The following DYNC2H1 variants were observed in gnomAD, a reference collection of about 807,000 sequenced individuals.
The protein encoded by DYNC2H1 is cytoplasmic dynein 2 heavy chain 1.
In DYNC2H1, 410 loss-of-function variants were observed where a neutral mutation model predicts 570.0. That is an observed-to-expected ratio of 0.72 (90% CI 0.66 to 0.78). The LOEUF (loss-of-function observed/expected upper bound fraction) is 0.78. Among genes scored for constraint, DYNC2H1 ranks in the 30% least tolerant of loss-of-function variants. The pLI, the probability that DYNC2H1 is intolerant of heterozygous loss-of-function variation, is 0.00. For synonymous variants in DYNC2H1, 1,688 were observed against 1,677.6 expected (o/e 1.01, Z -0.15); for missense variants, 4,865 against 5,046.4 (o/e 0.96, Z 1.09).
In DYNC2H1 at chr11:103,413,561, C is replaced by G. The variant is rs898677537; in HGVS notation, c.12366+13689C>G. Among the ~76,000 whole-genome samples the G allele has an allele frequency of 2.6e-5, 4 of 152,164 alleles. No individual in the cohort carries two copies. The East Asian group carries it at 5.8e-4, about 22-fold the overall frequency. ...ATTCCTAGATCAGAGTTCTTTCCAC[C>G]TTACTGCTCATTAAATATTTTGCTA... On this transcript the variant is annotated intron_variant, in intron 84 of 88. Transcript: ENST00000375735.
Position 103,135,511 on chromosome 11 carries a change from A to G in DYNC2H1, c.2222A>G (p.Asp741Gly). Residue 741 changes from aspartate to glycine, a missense_variant, in exon 16 of 89, where the codon GAC (aspartate) becomes GGC (glycine). This residue lies in a region of DYNC2H1 where 1,936 missense variants were observed against 1,962.1 expected (regional missense o/e 0.99). Coordinates refer to ENST00000375735, the MANE Select transcript of DYNC2H1 (RefSeq NM_001377.3). ...ACATATTAGGGATTCCAAGCAAGTG[A>G]CATGCATGCATGGAAACAACACTGG... ...TVEAQGFQAS[D>G]MHAWKQHWNH... 1.9e-6 allele frequency: 3 copies of G among 1,567,102 alleles called. No individual in the cohort carries two copies. Among genetic ancestry groups the G allele is most frequent in the Middle Eastern group, 1.7e-4 (1 of 5,868 alleles).
At chr11:103,190,902 A>G (rs1862276538) in intron 45 of DYNC2H1, among the ~76,000 whole-genome samples, 1 of 149,302 alleles carries the variant, frequency 6.7e-6, no homozygotes, top group Non-Finnish European at 1.5e-5. Context: ...TGCAACCATC[A>G]TATTTAAAGG....
intron 2 of DYNC2H1, 83 bp downstream of exon 2, chr11:103,113,790 G>A: frequency 1.9e-6 from 2 of 1,046,920 alleles, no homozygotes; most frequent in Non-Finnish European, 2.6e-6. Context: ...ATTTTTTACT[G>A]TTAATGTTAG....
intron 87 of DYNC2H1, among the ~76,000 whole-genome samples, chr11:103,467,773 G>A (rs911523872): frequency 1.7e-4 from 26 of 152,188 alleles, no homozygotes; most frequent in African/African-American, 6.0e-4. Flanking sequence ...TCCTGACCTT[G>A]TGATCCGCCC....
intron 72 of DYNC2H1, among the ~76,000 whole-genome samples, chr11:103,282,612 T>A (rs919246909): frequency 2.0e-5 from 3 of 152,034 alleles, no homozygotes; most frequent in Non-Finnish European, 2.9e-5. Flanking sequence ...ATTTAGCTTT[T>A]TTTCCTACTA....
At chr11:103,372,740 A>T (rs1264142045) in intron 83 of DYNC2H1, among the ~76,000 whole-genome samples, 2 of 152,134 alleles carry the variant, frequency 1.3e-5, no homozygotes, top group Admixed American at 1.3e-4. Context: ...TTGGAATCAC[A>T]ATCATGCTGG....
chr11:103,115,891 T>C (rs1858364904), intron 4 of DYNC2H1, among the ~76,000 whole-genome samples: 2 of 152,240 alleles, frequency 1.3e-5, no homozygotes, highest in South Asian at 4.1e-4. Context: ...TACGTTCTTT[T>C]GAATGGGTAT....
In DYNC2H1 at chr11:103,192,151, G is replaced by T. The variant is rs1458533835; in HGVS notation, c.7595G>T (p.Arg2532Leu). The change falls in exon 47 of 89, where the codon CGG becomes CTG. Residue 2532 changes from arginine (R) to leucine (L), a missense_variant. By Grantham distance (102) the Arg-to-Leu change is moderately radical. This residue lies in a region of DYNC2H1 where 2,401 missense variants were observed against 2,454.6 expected (regional missense o/e 0.98). Transcript: ENST00000375735. The part of the protein sequence containing the change: ...YVLEIVAYEA[R>L]RLFRDKIVGA... ...TTAGAAATTGTAGCATATGAGGCAC[G>T]GCGCTTATTTCGTGACAAAATTGTT... 2 of 1,565,726 alleles carry T rather than the reference G, an allele frequency of 1.3e-6. No individual in the cohort carries two copies. The highest frequency in any genetic ancestry group is 1.7e-6 in the Non-Finnish European group (2 of 1,152,226).
intron 83 of DYNC2H1, among the ~76,000 whole-genome samples, chr11:103,386,600 T>G (rs11225757): frequency 0.035 from 5,380 of 152,174 alleles, 314 homozygotes; most frequent in African/African-American, 0.12. Context: ...GCTGCACCCA[T>G]TAACTCATCA....
intron 53 of DYNC2H1, among the ~76,000 whole-genome samples, chr11:103,210,508 C>A (rs1179881733): frequency 4.6e-5 from 7 of 151,804 alleles, no homozygotes; most frequent in Admixed American, 4.6e-4. Context: ...CTGTACTGGG[C>A]TGGATATTAG....
chr11:103,260,048 T>TATTTATA (rs1285727833), intron 70 of DYNC2H1, 71 bp downstream of exon 70: 138 of 920,264 alleles, frequency 1.5e-4, no homozygotes, highest in South Asian at 2.8e-4. Context: ...TTTATAGTTA[T>TATTTATA]AGTATAACTC....
intron 85 of DYNC2H1, among the ~76,000 whole-genome samples, chr11:103,452,474 T>C (rs1944641883): frequency 6.6e-6 from 1 of 152,000 alleles, no homozygotes; most frequent in African/African-American, 2.4e-5. Flanking sequence ...TTATAGCCAA[T>C]AGGATTAGCC....
At chr11:103,143,133 A>T (rs1860046409) in intron 17 of DYNC2H1, 135 bp from the exon 18 acceptor site, 3 of 788,734 alleles carry the variant, frequency 3.8e-6, no homozygotes, top group Non-Finnish European at 6.0e-6. Context: ...AGTAATGATT[A>T]TATTACTTAA....
chr11:103,267,283 C>T (rs1344173849), intron 70 of DYNC2H1, among the ~76,000 whole-genome samples: 1 of 151,310 alleles, frequency 6.6e-6, no homozygotes, highest in African/African-American at 2.4e-5. Flanking sequence ...ACTCTTGGTG[C>T]TTTCCCTCTG....
At chr11:103,134,092 G>A (rs567786908) in intron 14 of DYNC2H1, among the ~76,000 whole-genome samples, 23 of 152,144 alleles carry the variant, frequency 1.5e-4, no homozygotes, top group African/African-American at 5.3e-4. Context: ...CTTGATTTGG[G>A]TTTATATGAT....
chr11:103,152,421 T>A, intron 21 of DYNC2H1, 136 bp downstream of exon 21: 1 of 757,428 alleles, frequency 1.3e-6, no homozygotes, highest in South Asian at 2.1e-5. Flanking sequence ...CTGACTACTT[T>A]TATAGTGAAA....
chr11:103,378,331 G>C (rs1283226196), intron 83 of DYNC2H1, among the ~76,000 whole-genome samples: 1 of 152,044 alleles, frequency 6.6e-6, no homozygotes, highest in African/African-American at 2.4e-5. Flanking sequence ...TATATTTTAA[G>C]TTCTCTGCTT....
At chr11:103,200,258 C>A in intron 50 of DYNC2H1, 104 bp downstream of exon 50, 1 of 847,822 alleles carries the variant, frequency 1.2e-6, no homozygotes, top group Non-Finnish European at 1.8e-6. Context: ...GAACTTTTGG[C>A]ATAGTTCTTA....
At chr11:103,121,259 C>G in intron 9 of DYNC2H1, 113 bp from the exon 10 acceptor site, 1 of 1,262,448 alleles carries the variant, frequency 7.9e-7, no homozygotes, top group Non-Finnish European at 1.1e-6. Context: ...GGGATAAGGA[C>G]CAACTCATTA....
Sources: gnomAD v4.1 joint callset for allele counts (sites outside exome capture counted in the v4.1 genomes callset) on GRCh38, gnomAD v4.1.1 for gene constraint, gnomAD v4.1.1 regional missense constraint, MANE v1.5 for transcripts, NCBI Gene and HGNC (gene_info 2026-07-23, HGNC 2026-07-21) for gene names.